Variants in UBASH3B observed in about 807,000 individuals in gnomAD.
UBASH3B encodes ubiquitin associated and SH3 domain containing B.
A neutral mutation model predicts 83.4 loss-of-function variants in UBASH3B; 37 were observed. That is an observed-to-expected ratio of 0.44 (90% CI 0.34 to 0.58). The LOEUF (loss-of-function observed/expected upper bound fraction) is 0.58, where lower values mean the gene tolerates loss of function less well. Among genes scored for constraint, UBASH3B ranks in the 20% least tolerant of loss-of-function variants. The pLI, the probability that UBASH3B is intolerant of heterozygous loss-of-function variation, is 0.01. For missense variants in UBASH3B, 657 were observed against 827.2 expected (o/e 0.79, Z 2.52); for synonymous variants, 304 against 318.3 (o/e 0.96, Z 0.48).
At chr11:122,797,099 T>C (rs2135175620) in intron 9 of UBASH3B, 66 bp downstream of exon 9, 8 of 1,515,614 alleles carry the variant, frequency 5.3e-6, no homozygotes, top group Non-Finnish European at 7.1e-6. Context: ...ACTGGTACCA[T>C]GGATATGCAA....
At chr11:122,754,151 G>A (rs541921691) in intron 1 of UBASH3B, among the ~76,000 whole-genome samples, 45 of 152,302 alleles carry the variant, frequency 3.0e-4, no homozygotes, top group African/African-American at 1.1e-3. Flanking sequence ...TCAATAGTGA[G>A]GAGAACTCCA....
intron 1 of UBASH3B, among the ~76,000 whole-genome samples, chr11:122,681,353 T>C (rs1294114960): frequency 6.6e-6 from 1 of 152,196 alleles, no homozygotes; most frequent in Non-Finnish European, 1.5e-5. Context: ...TCTAGCCAGA[T>C]TCCTCAGTCA....
intron 1 of UBASH3B, among the ~76,000 whole-genome samples, chr11:122,671,399 C>T (rs1863591578): frequency 6.6e-6 from 1 of 152,208 alleles, no homozygotes; most frequent in South Asian, 2.1e-4. Context: ...TGGTGGTGTG[C>T]ACCTGGTCTT....
At chr11:122,733,992 T>C (rs73018243) in intron 1 of UBASH3B, among the ~76,000 whole-genome samples, 20,792 of 152,088 alleles carry the variant, frequency 0.14, 1,883 homozygotes, top group Non-Finnish European at 0.2. Context: ...TCCAAGCAAT[T>C]CTCATGCCTC....
chr11:122,715,774 T>C (rs979164652), intron 1 of UBASH3B, among the ~76,000 whole-genome samples: 2 of 152,204 alleles, frequency 1.3e-5, no homozygotes, highest in African/African-American at 2.4e-5. Context: ...ACATATGGCT[T>C]CCCAGCCATT....
chr11:122,672,607 T>C (rs1236294150), intron 1 of UBASH3B, among the ~76,000 whole-genome samples: 1 of 152,120 alleles, frequency 6.6e-6, no homozygotes, highest in African/African-American at 2.4e-5. Context: ...ATTACAGGCG[T>C]GAGGCACAGT....
chr11:122,779,291 T>A, intron 3 of UBASH3B: 1 of 621,320 alleles, frequency 1.6e-6, no homozygotes, highest in Non-Finnish European at 2.8e-6. Flanking sequence ...AGGTCATGTG[T>A]TCCCCACATT....
intron 1 of UBASH3B, among the ~76,000 whole-genome samples, chr11:122,744,381 G>A (rs575184890): frequency 6.6e-6 from 1 of 152,268 alleles, no homozygotes; most frequent in East Asian, 1.9e-4. Flanking sequence ...GACTGTGAGT[G>A]GTTGAGTGAG....
intron 1 of UBASH3B, among the ~76,000 whole-genome samples, chr11:122,771,658 A>G (rs904965558): frequency 6.6e-6 from 1 of 151,734 alleles, no homozygotes; most frequent in Non-Finnish European, 1.5e-5. Context: ...CTGTGGGCCA[A>G]CAAAAATACC....
At chr11:122,713,153 C>T (rs1320399244) in intron 1 of UBASH3B, among the ~76,000 whole-genome samples, 1 of 151,904 alleles carries the variant, frequency 6.6e-6, no homozygotes, top group Non-Finnish European at 1.5e-5. Flanking sequence ...GTGATCCGCC[C>T]ACTTCGGCCT....
intron 1 of UBASH3B, among the ~76,000 whole-genome samples, chr11:122,672,425 T>G (rs992692363): frequency 6.6e-5 from 10 of 152,008 alleles, no homozygotes; most frequent in Non-Finnish European, 1.3e-4. Context: ...ATTCAAGCGA[T>G]TCTTCTGCCT....
chr11:122,749,355 G>A (rs1305434463), intron 1 of UBASH3B, among the ~76,000 whole-genome samples: 1 of 152,232 alleles, frequency 6.6e-6, no homozygotes. Context: ...TTTACTATAT[G>A]CAAAGCACTT....
intron 1 of UBASH3B, among the ~76,000 whole-genome samples, chr11:122,696,601 C>T (rs1863968678): frequency 6.6e-6 from 1 of 152,056 alleles, no homozygotes; most frequent in South Asian, 2.1e-4. Flanking sequence ...GCCACTGCAC[C>T]CAACCAATAC....
intron 1 of UBASH3B, among the ~76,000 whole-genome samples, chr11:122,725,342 A>AAAAAAAAAAAAAAAAAAAAAGAGAG (rs71281633): frequency 2.3e-5 from 3 of 130,782 alleles, no homozygotes; most frequent in Non-Finnish European, 3.2e-5. Context: ...AAAAAAAAAA[A>AAAAAAAAAAAAAAAAAAAAAGAGAG]AAGAAAAGAA....
intron 1 of UBASH3B, chr11:122,774,342 G>A (rs1277080130): frequency 2.2e-5 from 21 of 972,988 alleles, no homozygotes; most frequent in East Asian, 1.1e-4. Flanking sequence ...GTATCTGTGC[G>A]CAGACTTTCA....
chr11:122,803,597 C>T (rs774634473), intron 11 of UBASH3B, among the ~76,000 whole-genome samples: 1 of 151,974 alleles, frequency 6.6e-6, no homozygotes, highest in South Asian at 2.1e-4. Flanking sequence ...AGGAGCAAGG[C>T]AGAAAAAACA....
intron 1 of UBASH3B, among the ~76,000 whole-genome samples, chr11:122,751,291 G>A (rs1205155103): frequency 6.6e-6 from 1 of 152,188 alleles, no homozygotes; most frequent in Non-Finnish European, 1.5e-5. Flanking sequence ...TTGCACTGAG[G>A]AGTGTCTTCC....
intron 1 of UBASH3B, among the ~76,000 whole-genome samples, chr11:122,767,012 G>T (rs113700652): frequency 0.071 from 10,765 of 152,206 alleles, 447 homozygotes; most frequent in South Asian, 0.13. Context: ...GGGCGCAGTG[G>T]CTCACGCCTG....
chr11:122,789,967 C>T (rs1029373150), intron 6 of UBASH3B, among the ~76,000 whole-genome samples: 2 of 152,212 alleles, frequency 1.3e-5, no homozygotes, highest in African/African-American at 4.8e-5. Flanking sequence ...CAGTGGCCAA[C>T]TTTGTCCCAA....
Sources: allele counts gnomAD v4.1 joint callset (sites outside exome capture counted in the v4.1 genomes callset), GRCh38; gene constraint gnomAD v4.1.1; transcripts MANE v1.5; gene names NCBI Gene and HGNC (gene_info 2026-07-23, HGNC 2026-07-21).